Variants in TAF2 observed in about 807,000 individuals in gnomAD.
The protein encoded by TAF2 is TATA-box binding protein associated factor 2.
Under a neutral mutation model 138.5 loss-of-function variants are expected in TAF2, and 61 were observed. The observed-to-expected ratio is 0.44, with a 90% CI of 0.36 to 0.54. TAF2 has a LOEUF of 0.54. Ranked by LOEUF, TAF2 falls within the 20% of genes least tolerant of loss-of-function variation. TAF2 has a pLI of 0.00. For synonymous variants in TAF2, 475 were observed against 469.9 expected (o/e 1.01, Z -0.14); for missense variants, 1,090 against 1,427.9 (o/e 0.76, Z 3.81).
Position 119,795,646 on chromosome 8 carries a change from A to G in TAF2, c.1092-15T>C. 6.2e-7 allele frequency: 1 copy of G among 1,609,690 alleles called. No homozygotes were observed. Among genetic ancestry groups the G allele is most frequent in the Non-Finnish European group, 8.5e-7 (1 of 1,176,252 alleles). ...ATTCATCAGACCTAAGCAAAAAGTC[A>G]AAGCATAAATTACTTTTAATCATAA... On this transcript the variant is annotated splice_polypyrimidine_tract_variant and intron_variant, in intron 8 of 25. Coordinates refer to ENST00000378164, the MANE Select transcript of TAF2 (RefSeq NM_003184.4).
Position 119,788,783 on chromosome 8 carries a change from G to C in TAF2, c.1683+7C>G. 10 of 1,603,198 alleles carry C rather than the reference G, an allele frequency of 6.2e-6. No homozygotes were observed. Among genetic ancestry groups the C allele is most frequent in the Non-Finnish European group, 8.5e-6 (10 of 1,170,140 alleles). The stretch of plus-strand genomic sequence containing the variant: ...CAGTACAAAGGCGATTTTGGAAAAA[G>C]ACTTACCACGTATTTCTGAGTTCCA... On this transcript the variant is annotated splice_region_variant and intron_variant, in intron 13 of 25. Coordinates refer to ENST00000378164, the MANE Select transcript of TAF2 (RefSeq NM_003184.4).
intron 3 of TAF2, among the ~76,000 whole-genome samples, chr8:119,814,273 TCTAATA>T (rs1477152709): frequency 6.6e-6 from 1 of 152,150 alleles, no homozygotes; most frequent in Non-Finnish European, 1.5e-5. Flanking sequence ...ATAACTTAAT[TCTAATA>T]CTAATAAACC....
intron 2 of TAF2, among the ~76,000 whole-genome samples, chr8:119,829,517 T>TTGTGTG (rs371823307): frequency 6.6e-6 from 1 of 151,550 alleles, no homozygotes; most frequent in South Asian, 2.1e-4. Context: ...CTCAATTAAC[T>TTGTGTG]TGTGTGTGTG....
At chr8:119,797,605 A>G (rs1823921519) in intron 7 of TAF2, 57 bp downstream of exon 7, 1 of 1,548,160 alleles carries the variant, frequency 6.5e-7, no homozygotes, top group Admixed American at 1.7e-5. Flanking sequence ...AAAATCAGTA[A>G]ATTTTCTTCA....
At chr8:119,734,824 T>C (rs114744820) in intron 25 of TAF2, among the ~76,000 whole-genome samples, 31 of 152,110 alleles carry the variant, frequency 2.0e-4, no homozygotes, top group African/African-American at 6.7e-4. Flanking sequence ...CTTAAATTAG[T>C]TGGGGGAAGA....
At chr8:119,777,063 T>C (rs989923880) in intron 18 of TAF2, among the ~76,000 whole-genome samples, 3 of 152,214 alleles carry the variant, frequency 2.0e-5, no homozygotes, top group African/African-American at 7.2e-5. Flanking sequence ...AGTATAGTAT[T>C]AACAATGATA....
intron 6 of TAF2, among the ~76,000 whole-genome samples, chr8:119,799,928 C>T (rs1439976215): frequency 6.6e-6 from 1 of 152,162 alleles, no homozygotes; most frequent in South Asian, 2.1e-4. Flanking sequence ...TTTCATGTGT[C>T]TGTTGGCTGC....
chr8:119,827,085 C>T (rs1420208609), intron 2 of TAF2, among the ~76,000 whole-genome samples: 1 of 152,112 alleles, frequency 6.6e-6, no homozygotes, highest in Non-Finnish European at 1.5e-5. Context: ...CCCAGCTACT[C>T]AGGAGGCTGA....
chr8:119,760,373 G>A lies in TAF2; in HGVS notation c.2698+226C>T, dbSNP rs578219689. The A allele has an allele frequency of 1.7e-5, 8 of 461,674 alleles. No homozygotes were observed. In the East Asian group the frequency reaches 2.4e-4, roughly 14 times the overall value. The allele number at this position is 461,674 out of a possible 1,614,324, so 28.6% of individuals were successfully genotyped here. On this transcript the variant is annotated intron_variant, in intron 20 of 25. Coordinates refer to ENST00000378164, the MANE Select transcript of TAF2 (RefSeq NM_003184.4). ...CAATTAAAGCTACAGGATGAAAACT[G>A]ACTTCTTGGAAAGGCTAAAGATACC...
intron 2 of TAF2, among the ~76,000 whole-genome samples, chr8:119,820,582 T>C (rs1226255133): frequency 6.6e-6 from 1 of 152,204 alleles, no homozygotes; most frequent in Non-Finnish European, 1.5e-5. Flanking sequence ...AGTAGGTCAG[T>C]AATAAGTAGA....
chr8:119,757,322 G>A (rs1820766117), intron 21 of TAF2, among the ~76,000 whole-genome samples: 1 of 151,778 alleles, frequency 6.6e-6, no homozygotes, highest in African/African-American at 2.4e-5. Flanking sequence ...ATATAAATGG[G>A]GATATAAATC....
chr8:119,823,621 A>G (rs1434088652), intron 2 of TAF2, among the ~76,000 whole-genome samples: 1 of 152,180 alleles, frequency 6.6e-6, no homozygotes, highest in Non-Finnish European at 1.5e-5. Context: ...AGTCTCAGGT[A>G]TGTCTTTATC....
intron 20 of TAF2, among the ~76,000 whole-genome samples, chr8:119,758,459 T>C (rs1330686971): frequency 6.6e-6 from 1 of 152,198 alleles, no homozygotes; most frequent in African/African-American, 2.4e-5. Context: ...GATGATTAAC[T>C]GGACAAAATC....
At chr8:119,824,772 C>T (rs1052068169) in intron 2 of TAF2, among the ~76,000 whole-genome samples, 11 of 152,206 alleles carry the variant, frequency 7.2e-5, no homozygotes, top group Non-Finnish European at 1.6e-4. Flanking sequence ...GCCTTGGCAG[C>T]TCCCATGTGG....
rs1301157573 is a variant in TAF2, at chr8:119,783,459, C to A, written c.2034G>T (p.Arg678=). The change falls in exon 16 of 26, where the codon CGG becomes CGT. Residue 678 remains arginine, a synonymous_variant. Transcript: ENST00000378164. ...ALEKFPTPAS[R]LALTDILEQE... ...GTTCTAATATATCAGTGAGTGCAAG[C>A]CGAGATGCTGGAGTAGGGAATTTTT... 1 of 1,614,126 alleles carries A rather than the reference C, an allele frequency of 6.2e-7. No homozygotes were observed. Among genetic ancestry groups the A allele is most frequent in the South Asian group, 1.1e-5 (1 of 91,076 alleles).
Position 119,803,263 on chromosome 8 carries a change from C to A in TAF2, c.560+615G>T, listed in dbSNP as rs370840950. ...GGCTTGTTCACTTGTGAAAATTCAT[C>A]GAGCTTTACATTCTGTGCAATTTTC... is the stretch of plus-strand genomic sequence containing the variant. On this transcript the variant is annotated intron_variant, in intron 5 of 25. Coordinates refer to ENST00000378164, the MANE Select transcript of TAF2 (RefSeq NM_003184.4). Among the ~76,000 whole-genome samples, 3 of 152,222 alleles carry A rather than the reference C, an allele frequency of 2.0e-5. No individual in the cohort carries two copies. The South Asian group carries it at 6.2e-4, about 32-fold the overall frequency.
In TAF2 at chr8:119,797,082, G is replaced by A; in HGVS notation, c.999C>T (p.Ala333=). ...TCAAAGGTGTCTCATCTATAATCAT[G>A]GCACTGTGTAAAAGATTTGTGCTGG... ...SIFSTNLLHS[A]MIIDETPLTR... Residue 333 remains alanine, a synonymous_variant, in exon 8 of 26, where the codon GCC becomes GCT. Transcript: ENST00000378164. 1 of 1,612,680 alleles carries A rather than the reference G, an allele frequency of 6.2e-7. No homozygotes were observed. Among genetic ancestry groups the A allele is most frequent in the South Asian group, 1.1e-5 (1 of 91,016 alleles).
intron 16 of TAF2, 123 bp downstream of exon 16, chr8:119,783,258 G>T: frequency 1.7e-6 from 2 of 1,195,596 alleles, no homozygotes; most frequent in Non-Finnish European, 2.3e-6. Context: ...AAAGCACTTT[G>T]GCAAAAGCTT....
intron 18 of TAF2, among the ~76,000 whole-genome samples, chr8:119,775,540 TA>T (rs1026416276): frequency 2.0e-5 from 3 of 151,662 alleles, no homozygotes; most frequent in African/African-American, 2.4e-5. Flanking sequence ...TCGTCTCTAC[TA>T]AAAGTACAAC....
Sources: allele counts gnomAD v4.1 joint callset (sites outside exome capture counted in the v4.1 genomes callset), GRCh38; gene constraint gnomAD v4.1.1; transcripts MANE v1.5; gene names NCBI Gene and HGNC (gene_info 2026-07-23, HGNC 2026-07-21).